SPRED3: variants seen among roughly 807,000 people sequenced by gnomAD.
The protein encoded by SPRED3 is sprouty-related, EVH1 domain-containing protein 3.
SPRED3 carries 23 observed loss-of-function variants against 37.6 expected under a neutral mutation model. The ratio of observed to expected loss-of-function variants is 0.61; its 90% CI spans 0.44 to 0.87. The LOEUF (loss-of-function observed/expected upper bound fraction) is 0.87. SPRED3 is among the 40% of genes least tolerant of loss of function. SPRED3 has a pLI of 0.00. For missense variants in SPRED3, 584 were observed against 618.6 expected, an observed-to-expected ratio of 0.94 and a Z score of 0.59; for synonymous variants, 302 against 279.6, an observed-to-expected ratio of 1.08 and a Z score of -0.80.
rs1970897311 is a variant in SPRED3, at chr19:38,396,300, C to G, written c.*155C>G. The G allele has an allele frequency of 8.0e-6, 4 of 501,796 alleles. No homozygotes were observed. The highest frequency in any genetic ancestry group is 4.7e-5 in the Admixed American group (1 of 21,360). 31.1% of individuals were successfully genotyped at this position (501,796 alleles called of 1,614,324 possible). ...GATCTCAGACCTGGAACCTGGAACCCAAACCTAGGACTGAGAGACCCCAGC... is the reference window on the plus strand; with the variant it reads ...GATCTCAGACCTGGAACCTGGAACCGAAACCTAGGACTGAGAGACCCCAGC... On this transcript the variant is annotated 3_prime_UTR_variant, in exon 6 of 6. Transcript: ENST00000691638.
intron 1 of SPRED3, 141 bp downstream of exon 1, chr19:38,388,948 C>T: frequency 5.1e-6 from 2 of 393,688 alleles, no homozygotes; most frequent in Non-Finnish European, 9.0e-6. Flanking sequence ...TGGGGACCCC[C>T]CAAACTGCGC....
Position 38,394,709 on chromosome 19 carries a change from G to A in SPRED3, c.490G>A (p.Ala164Thr). Reference sequence around the variant, plus strand: ...GGAGACTCCTCCCAGCGCCGCTGCGGCCCCCATCATCACGATGGAGTCAGC... The same window carrying A: ...GGAGACTCCTCCCAGCGCCGCTGCGACCCCCATCATCACGATGGAGTCAGC... ...RQETPPSAAA[A>T]PIITMESASG... The change falls in exon 5 of 6, where the codon GCC becomes ACC. Residue 164 changes from alanine to threonine, a missense_variant. Physicochemically the swap from Ala to Thr is moderately conservative, Grantham distance 58 (BLOSUM62 0). Around this residue, in one of 7 missense-constraint regions of SPRED3, gnomAD observed 310 missense variants for 281.1 expected, o/e 1.10. Transcript: ENST00000691638. The A allele has an allele frequency of 6.3e-7, 1 of 1,594,302 alleles. No homozygotes were observed.
chr19:38,390,768 C>CCG (rs1970820980), intron 2 of SPRED3, among the ~76,000 whole-genome samples: 1 of 113,072 alleles, frequency 8.8e-6, no homozygotes, highest in African/African-American at 3.3e-5. Flanking sequence ...GGCACTGCCC[C>CCG]CCCCCCCCCG....
Position 38,394,739 on chromosome 19 carries a change from G to A in SPRED3, c.520G>A (p.Gly174Ser), listed in dbSNP as rs1284092870. The part of the protein sequence containing the change: ...APIITMESAS[G>S]FGPTTPPQRR... ...CATCATCACGATGGAGTCAGCTTCA[G>A]GCTTCGGGCCGACCACGCCCCCCCA... The change falls in exon 5 of 6, where the codon GGC (glycine) becomes AGC (serine). Residue 174 changes from glycine to serine, a missense_variant. Transcript: ENST00000691638. 9 of 1,586,772 alleles carry A rather than the reference G, an allele frequency of 5.7e-6. No homozygotes were observed. The highest frequency in any genetic ancestry group is 1.3e-5 in the African/African-American group (1 of 74,720).
chr19:38,394,036 T>C (rs1303663768), intron 4 of SPRED3, among the ~76,000 whole-genome samples: 1 of 152,178 alleles, frequency 6.6e-6, no homozygotes, highest in Non-Finnish European at 1.5e-5. Flanking sequence ...GTCTGGCACG[T>C]CGTGGGTGCT....
intron 2 of SPRED3, among the ~76,000 whole-genome samples, chr19:38,391,079 T>G: frequency 6.8e-6 from 1 of 147,742 alleles, no homozygotes. Context: ...GGAGCAGGAG[T>G]CAGTGGAGGG....
intron 4 of SPRED3, chr19:38,394,363 C>T (rs1970867255): frequency 1.3e-6 from 2 of 1,578,780 alleles, no homozygotes; most frequent in Non-Finnish European, 1.7e-6. Flanking sequence ...ATTTCCAGCT[C>T]TCCCAGTACT....
intron 1 of SPRED3, among the ~76,000 whole-genome samples, chr19:38,389,379 G>A (rs1177372311): frequency 6.6e-6 from 1 of 152,040 alleles, no homozygotes; most frequent in Non-Finnish European, 1.5e-5. Context: ...GGACGCCAGG[G>A]TCCCTGTGCT....
chr19:38,398,291 C>T lies in SPRED3; in HGVS notation c.*2146C>T, dbSNP rs1201595174. The T allele has an allele frequency of 6.6e-6, 1 of 152,192 alleles. No homozygotes were observed. The highest frequency in any genetic ancestry group is 2.4e-5 in the African/African-American group (1 of 41,418). 9.4% of individuals were successfully genotyped at this position (152,192 alleles called of 1,614,324 possible). On this transcript the variant is annotated 3_prime_UTR_variant, in exon 6 of 6. Transcript: ENST00000691638. ...TCGCTGTATCACCCAGGCTGGAGTG[C>T]AGTGGCACAATCTCGGCTCACCACA...
Position 38,395,860 on chromosome 19 carries a change from A to C in SPRED3, c.948A>C (p.Ala316=). Residue 316 remains alanine, a synonymous_variant, in exon 6 of 6, where the codon GCA becomes GCC. Transcript: ENST00000691638. This position sits in a 1 kb window ranked among gnomAD's most constrained non-coding sequence, Gnocchi z 5.2. ...CAGACGGGCGTGGCGGCCGCTGCGC[A>C]GAGGCCCCGGACCCGGGTCGCCTCC... ...RRADGRGGRC[A]EAPDPGRLLV... is the part of the protein sequence containing the mutation. 1 of 1,483,370 alleles carries C rather than the reference A, an allele frequency of 6.7e-7. No homozygotes were observed. 91.9% of individuals were successfully genotyped at this position (1,483,370 alleles called of 1,614,324 possible). A position where few individuals can be genotyped will look rare whatever the true frequency, so the allele number is the denominator to read the frequency against.
At chr19:38,388,844 A>G in intron 1 of SPRED3, 37 bp downstream of exon 1, 1 of 397,044 alleles carries the variant, frequency 2.5e-6, no homozygotes, top group East Asian at 3.6e-5. Flanking sequence ...GGGGGCTGAC[A>G]GACTGCCTGC....
intron 2 of SPRED3, among the ~76,000 whole-genome samples, chr19:38,390,970 G>A (rs955994964): frequency 2.0e-5 from 3 of 152,056 alleles, no homozygotes; most frequent in African/African-American, 4.8e-5. Flanking sequence ...CTGGGCTGTC[G>A]GGCACAATGT....
intron 2 of SPRED3, among the ~76,000 whole-genome samples, chr19:38,391,311 G>C (rs1338151771): frequency 6.9e-6 from 1 of 144,242 alleles, no homozygotes; most frequent in Non-Finnish European, 1.5e-5. Flanking sequence ...GCAACACAGA[G>C]AGAGCTCATC....
At chr19:38,394,525 G>A in intron 4 of SPRED3, 118 bp from the exon 5 acceptor site, 1 of 1,561,542 alleles carries the variant, frequency 6.4e-7, no homozygotes, top group Non-Finnish European at 8.7e-7. Context: ...ACAGAGCCGG[G>A]GTTTGAACCC....
In SPRED3 at chr19:38,395,531, C is replaced by T. The variant is rs1970883462; in HGVS notation, c.619C>T (p.Leu207=). ...FTGIPEPSEP[L]AGAGGLGWGG... ...GGGGATTCCGGAACCCTCAGAGCCCCTGGCAGGGGCAGGGGGCCTGGGGTG... is the reference window on the plus strand; with the variant it reads ...GGGGATTCCGGAACCCTCAGAGCCCTTGGCAGGGGCAGGGGGCCTGGGGTG... The change falls in exon 6 of 6, where the codon CTG becomes TTG. Residue 207 remains leucine, a synonymous_variant. Transcript: ENST00000691638. The surrounding 1 kb of genome is among the most constrained non-coding windows in gnomAD (Gnocchi z 5.2). 3 of 1,543,416 alleles carry T rather than the reference C, an allele frequency of 1.9e-6. No individual in the cohort carries two copies. Among genetic ancestry groups the T allele is most frequent in the Non-Finnish European group, 2.6e-6 (3 of 1,150,336 alleles).
At chr19:38,391,790 C>T (rs529819082) in intron 2 of SPRED3, among the ~76,000 whole-genome samples, 156 bp from the exon 3 acceptor site, 2 of 152,052 alleles carry the variant, frequency 1.3e-5, no homozygotes, top group South Asian at 2.1e-4. Flanking sequence ...ACTGGGGAGT[C>T]GTATCAGTGT....
At position 38,396,191 on chromosome 19, in the gene SPRED3, A is replaced by G; in HGVS notation, c.*46A>G. 8.2e-7 allele frequency: 1 copy of G among 1,216,200 alleles called. No homozygotes were observed. The highest frequency in any genetic ancestry group is 1.6e-5 in the African/African-American group (1 of 63,512). 75.3% of individuals were successfully genotyped at this position (1,216,200 alleles called of 1,614,324 possible). On this transcript the variant is annotated 3_prime_UTR_variant, in exon 6 of 6. Transcript: ENST00000691638. Reference sequence around the variant, plus strand: ...TAGCCGGCCCGAGGACCCAAAATTGAGGGTCCAGGACCCCGGACTCCGTTC... The same window carrying G: ...TAGCCGGCCCGAGGACCCAAAATTGGGGGTCCAGGACCCCGGACTCCGTTC...
Position 38,392,225 on chromosome 19 carries a change from CT to C in SPRED3, c.361del (p.Ser121ProfsTer20). On this transcript the variant is annotated frameshift_variant, in exon 4 of 6. Coordinates refer to ENST00000691638, the MANE Select transcript of SPRED3 (RefSeq NM_001394336.1). LOFTEE classifies it high-confidence loss of function. Reference sequence around the variant, plus strand: ...TCCCTGCCCCAGGCTCACTCACCCCCTCCTCCTCCTCCTCCTCCTCCTCTCC... The same window carrying C: ...TCCCTGCCCCAGGCTCACTCACCCCCCCTCCTCCTCCTCCTCCTCCTCTCC... ...AALGRGSLTP[S>X]SSSSSSSPSQ... is the part of the protein sequence containing the mutation. 2 of 989,040 alleles carry C rather than the reference CT, an allele frequency of 2.0e-6. No individual in the cohort carries two copies. Among genetic ancestry groups the C allele is most frequent in the Admixed American group, 6.0e-5 (2 of 33,352 alleles). 61.3% of individuals were successfully genotyped at this position (989,040 alleles called of 1,614,324 possible). A position where few individuals can be genotyped will look rare whatever the true frequency, so the allele number is the denominator to read the frequency against.
At position 38,395,377 on chromosome 19, in the gene SPRED3, G is replaced by T; in HGVS notation, c.568-103G>T. 1.7e-6 allele frequency: 2 copies of T among 1,144,214 alleles called. No homozygotes were observed. Among genetic ancestry groups the T allele is most frequent in the Admixed American group, 7.9e-5 (2 of 25,186 alleles). The allele number at this position is 1,144,214 out of a possible 1,614,324, so 70.9% of individuals were successfully genotyped here. ...GACCTTGGGAGAGAAGCAAGCTGGG[G>T]TCTTGAAAATCTGAATCCCAGACCC... On this transcript the variant is annotated intron_variant, in intron 5 of 5. Coordinates refer to ENST00000691638, the MANE Select transcript of SPRED3 (RefSeq NM_001394336.1). This position sits in a 1 kb window ranked among gnomAD's most constrained non-coding sequence, Gnocchi z 5.2.
Sources: gnomAD v4.1 joint callset for allele counts (sites outside exome capture counted in the v4.1 genomes callset) on GRCh38, gnomAD v4.1.1 for gene constraint, gnomAD v4.1.1 regional missense constraint, Gnocchi (gnomAD v3.1) non-coding constraint, MANE v1.5 for transcripts, NCBI Gene and HGNC (gene_info 2026-07-23, HGNC 2026-07-21) for gene names.